ETS1: variants seen among roughly 807,000 people sequenced by gnomAD.
ETS1 encodes the protein ETS proto-oncogene 1, transcription factor.
Under a neutral mutation model 58.6 loss-of-function variants are expected in ETS1, and 15 were observed. The ratio of observed to expected loss-of-function variants is 0.26; its 90% CI spans 0.17 to 0.39. The LOEUF (loss-of-function observed/expected upper bound fraction) is 0.39. Ranked by LOEUF, ETS1 falls within the 10% of genes least tolerant of loss-of-function variation. ETS1 has a pLI of 1.00. For synonymous variants in ETS1, 214 were observed against 218.2 expected (o/e 0.98, Z 0.17); for missense variants, 417 against 610.5 (o/e 0.68, Z 3.34).
intron 1 of ETS1, among the ~76,000 whole-genome samples, chr11:128,585,625 A>G (rs183374563): frequency 6.6e-6 from 1 of 152,282 alleles, no homozygotes; most frequent in Non-Finnish European, 1.5e-5. Context: ...CTGCACCCAC[A>G]CACCCAGTTT....
At chr11:128,580,143 C>T (rs1864835957) in intron 1 of ETS1, among the ~76,000 whole-genome samples, 1 of 138,706 alleles carries the variant, frequency 7.2e-6, no homozygotes, top group South Asian at 2.2e-4. Flanking sequence ...GCGTCCTGAG[C>T]TTATCCAAGA....
At chr11:128,467,006 A>C (rs1591590001) in intron 8 of ETS1, among the ~76,000 whole-genome samples, 1 of 152,166 alleles carries the variant, frequency 6.6e-6, no homozygotes, top group African/African-American at 2.4e-5. Flanking sequence ...CAGAAAGCCC[A>C]CATTTTTGTA....
chr11:128,584,987 AAAGGAAGGAAGG>A (rs1555092907), intron 1 of ETS1, among the ~76,000 whole-genome samples: 2 of 51,172 alleles, frequency 3.9e-5, no homozygotes, highest in African/African-American at 2.1e-4. Flanking sequence ...AGAAAGAAAG[AAAGGAAGGAAGG>A]AAGGAAAGAA....
intron 3 of ETS1, among the ~76,000 whole-genome samples, chr11:128,510,226 A>G (rs1235049865): frequency 6.6e-6 from 1 of 152,222 alleles, no homozygotes; most frequent in Non-Finnish European, 1.5e-5. Flanking sequence ...CACTCCTTGA[A>G]TCACCAAAGA....
intron 3 of ETS1, 96 bp from the exon 4 acceptor site, chr11:128,490,672 A>T (rs1862771577): frequency 2.1e-6 from 2 of 953,816 alleles, no homozygotes; most frequent in African/African-American, 3.3e-5. Context: ...CAAGCTGAGA[A>T]ACAACTGTGC....
chr11:128,501,363 A>G lies in ETS1; in HGVS notation c.215-10787T>C, dbSNP rs545134527. On this transcript the variant is annotated intron_variant, in intron 3 of 9. Transcript: ENST00000392668. Reference sequence around the variant, plus strand: ...ATCTAACAGCCTAACTACAAAAGCCACTCAAAGGACATTGCCAGGACCTCT... The same window carrying G: ...ATCTAACAGCCTAACTACAAAAGCCGCTCAAAGGACATTGCCAGGACCTCT... 2.6e-5 allele frequency among the ~76,000 whole-genome samples: 4 copies of G among 152,286 alleles called. No homozygotes were observed. In the East Asian group the frequency reaches 7.7e-4, roughly 29 times the overall value.
At chr11:128,521,867 C>A in intron 3 of ETS1, 1 of 1,535,152 alleles carries the variant, frequency 6.5e-7, no homozygotes, top group Non-Finnish European at 8.8e-7. Context: ...GGACCCCCGG[C>A]CTCTGGCCGA....
intron 3 of ETS1, among the ~76,000 whole-genome samples, chr11:128,548,458 G>A (rs35488337): frequency 0.23 from 35,646 of 152,030 alleles, 4,377 homozygotes; most frequent in Admixed American, 0.3. Flanking sequence ...GTGGGTGGCA[G>A]AGCTGAAACC....
intron 1 of ETS1, 44 bp from the exon 2 acceptor site, chr11:128,573,188 G>C (rs7935676): frequency 0.44 from 605,891 of 1,377,668 alleles, 136,469 homozygotes; most frequent in Non-Finnish European, 0.46. Context: ...ATGCTCACAG[G>C]TTTGTGGATT....
At chr11:128,486,605 T>A (rs1270510804) in intron 5 of ETS1, among the ~76,000 whole-genome samples, 2 of 152,246 alleles carry the variant, frequency 1.3e-5, no homozygotes, top group Admixed American at 1.3e-4. Context: ...CCATTTCCTC[T>A]AACAGATGTC....
rs58622208 is a variant in ETS1, at chr11:128,564,006, G to A, written c.70-7571C>T. 1.1e-3 allele frequency among the ~76,000 whole-genome samples: 173 copies of A among 152,228 alleles called. 1 individual carries two copies. Among genetic ancestry groups the A allele is most frequent in the African/African-American group, 4.0e-3 (166 of 41,534 alleles). ...CCTCAGAAGACGCTTTAGCACCTCC[G>A]TACCCTCCCAACCACCCTACGGATA... On this transcript the variant is annotated intron_variant, in intron 2 of 9. Transcript: ENST00000392668.
chr11:128,545,420 T>A (rs1026836653), intron 3 of ETS1, among the ~76,000 whole-genome samples: 1 of 152,230 alleles, frequency 6.6e-6, no homozygotes, highest in Non-Finnish European at 1.5e-5. Flanking sequence ...TATTTACATT[T>A]AATTACCAAC....
chr11:128,468,508 C>A (rs11221320), intron 8 of ETS1, among the ~76,000 whole-genome samples: 1 of 152,002 alleles, frequency 6.6e-6, no homozygotes, highest in Admixed American at 6.6e-5. Context: ...GACATCCTCA[C>A]AGCAAGTGAA....
chr11:128,504,096 G>A (rs997435262), intron 3 of ETS1, among the ~76,000 whole-genome samples: 3 of 152,166 alleles, frequency 2.0e-5, no homozygotes, highest in Non-Finnish European at 4.4e-5. Context: ...CAAGTTTCCT[G>A]CACTAAAAAG....
Position 128,549,162 on chromosome 11 carries a change from G to A in ETS1, c.214+7129C>T, listed in dbSNP as rs1565405775. ...CTGCCTCGGCAGCTATAAACACAGT[G>A]AACATCTGGAGAGAGAGCCCGTGTC... On this transcript the variant is annotated intron_variant, in intron 3 of 9. Transcript: ENST00000392668. The surrounding 1 kb of genome is among the most constrained non-coding windows in gnomAD (Gnocchi z 4.3). 6.6e-6 allele frequency among the ~76,000 whole-genome samples: 1 copy of A among 152,194 alleles called. No homozygotes were observed. The highest frequency in any genetic ancestry group is 2.4e-5 in the African/African-American group (1 of 41,454).
At chr11:128,578,925 C>T (rs1374064392) in intron 1 of ETS1, among the ~76,000 whole-genome samples, 1 of 152,086 alleles carries the variant, frequency 6.6e-6, no homozygotes, top group East Asian at 1.9e-4. Context: ...ATAAAAATTC[C>T]TAAAATATTT....
chr11:128,535,992 C>T (rs1863967608), intron 3 of ETS1, among the ~76,000 whole-genome samples: 1 of 152,170 alleles, frequency 6.6e-6, no homozygotes, highest in South Asian at 2.1e-4. Flanking sequence ...GTGGAATGCT[C>T]ACTTTATAAT....
intron 3 of ETS1, among the ~76,000 whole-genome samples, chr11:128,509,780 G>T (rs1316651046): frequency 1.3e-5 from 2 of 152,062 alleles, no homozygotes; most frequent in Non-Finnish European, 2.9e-5. Flanking sequence ...AACTAGAAAG[G>T]TCTAAGATCA....
chr11:128,524,839 C>A (rs1206014053), intron 3 of ETS1, among the ~76,000 whole-genome samples: 1 of 152,088 alleles, frequency 6.6e-6, no homozygotes, highest in East Asian at 1.9e-4. Context: ...TGAAGATGAA[C>A]TAAAAAGTGT....
Sources: allele counts gnomAD v4.1 joint callset (sites outside exome capture counted in the v4.1 genomes callset), GRCh38; gene constraint gnomAD v4.1.1; non-coding constraint Gnocchi (gnomAD v3.1); transcripts MANE v1.5; gene names NCBI Gene and HGNC (gene_info 2026-07-23, HGNC 2026-07-21).